Variants in CTNNA2 observed in about 807,000 individuals in gnomAD.
The protein encoded by CTNNA2 is catenin alpha-2.
A neutral mutation model predicts 101.0 loss-of-function variants in CTNNA2; 42 were observed. The observed-to-expected ratio is 0.42, with a 90% CI of 0.32 to 0.54. The LOEUF (loss-of-function observed/expected upper bound fraction) is 0.54. Ranked by LOEUF, CTNNA2 falls within the 20% of genes least tolerant of loss-of-function variation. The pLI, the probability that CTNNA2 is intolerant of heterozygous loss-of-function variation, is 0.14. For missense variants in CTNNA2, 871 were observed against 1,223.1 expected (o/e 0.71, Z 4.29); for synonymous variants, 450 against 456.4 (o/e 0.99, Z 0.18).
chr2:80,383,363 A>G (rs1480158088), intron 7 of CTNNA2, among the ~76,000 whole-genome samples: 1 of 152,120 alleles, frequency 6.6e-6, no homozygotes, highest in Non-Finnish European at 1.5e-5. Context: ...CCATCTTTCT[A>G]TCAATAAACA....
chr2:79,870,403 A>C (rs1030499582), intron 5 of CTNNA2, among the ~76,000 whole-genome samples: 34 of 151,862 alleles, frequency 2.2e-4, no homozygotes, highest in African/African-American at 8.2e-4. Flanking sequence ...AAACATGAAC[A>C]AAATGAGAGG....
intron 7 of CTNNA2, among the ~76,000 whole-genome samples, chr2:80,005,863 G>A (rs1244742748): frequency 6.6e-6 from 1 of 151,654 alleles, no homozygotes; most frequent in Admixed American, 6.6e-5. Flanking sequence ...AACATCTGGA[G>A]TGTAATACAA....
intron 2 of CTNNA2, among the ~76,000 whole-genome samples, chr2:79,213,809 T>C (rs1674209701): frequency 6.6e-6 from 1 of 151,424 alleles, no homozygotes; most frequent in East Asian, 1.9e-4. Flanking sequence ...AAGCAGAAAG[T>C]ATATGCGTCA....
At chr2:80,083,097 C>A (rs1297832636) in intron 7 of CTNNA2, among the ~76,000 whole-genome samples, 4 of 152,088 alleles carry the variant, frequency 2.6e-5, no homozygotes, top group Non-Finnish European at 5.9e-5. Flanking sequence ...GTGGGAAATA[C>A]CCCTGGAACC....
intron 1 of CTNNA2, among the ~76,000 whole-genome samples, chr2:79,555,103 T>G: frequency 6.6e-6 from 1 of 152,226 alleles, no homozygotes; most frequent in East Asian, 1.9e-4. Flanking sequence ...TCTTTTTGCC[T>G]TAGGGCACAT....
At chr2:80,510,165 C>T (rs1688598686) in intron 9 of CTNNA2, among the ~76,000 whole-genome samples, 1 of 152,126 alleles carries the variant, frequency 6.6e-6, no homozygotes, top group African/African-American at 2.4e-5. Context: ...AAATGAGTTC[C>T]TTGGTATACT....
chr2:79,938,700 T>C (rs2104448980), intron 7 of CTNNA2, among the ~76,000 whole-genome samples: 1 of 152,350 alleles, frequency 6.6e-6, no homozygotes, highest in Admixed American at 6.5e-5. Flanking sequence ...TGGCTTTAAA[T>C]GGCACTTGCC....
At chr2:80,452,599 C>T (rs1055353879) in intron 9 of CTNNA2, among the ~76,000 whole-genome samples, 1 of 151,586 alleles carries the variant, frequency 6.6e-6, no homozygotes, top group Non-Finnish European at 1.5e-5. Context: ...GCCCCTGATG[C>T]TGGCTGGCAT....
chr2:79,236,772 C>T (rs1202063163), intron 2 of CTNNA2, among the ~76,000 whole-genome samples: 1 of 152,156 alleles, frequency 6.6e-6, no homozygotes, highest in African/African-American at 2.4e-5. Context: ...TTTGCTTATC[C>T]ATAAGAAGAA....
At chr2:80,094,937 T>C (rs1167518513) in intron 7 of CTNNA2, among the ~76,000 whole-genome samples, 2 of 152,234 alleles carry the variant, frequency 1.3e-5, no homozygotes, top group Non-Finnish European at 2.9e-5. Context: ...TATACAATCA[T>C]GTCATCTGCA....
chr2:79,314,452 A>C (rs1676451242), intron 3 of CTNNA2, among the ~76,000 whole-genome samples: 1 of 152,176 alleles, frequency 6.6e-6, no homozygotes, highest in Non-Finnish European at 1.5e-5. Context: ...AATTGTGCAC[A>C]ATTTTAAACA....
chr2:79,797,756 TGAG>T (rs1433002516), intron 3 of CTNNA2, among the ~76,000 whole-genome samples: 2 of 152,180 alleles, frequency 1.3e-5, no homozygotes, highest in East Asian at 3.9e-4. Context: ...TAATTCATGA[TGAG>T]GAGTGAAACA....
At chr2:79,951,836 C>T (rs1438824135) in intron 7 of CTNNA2, among the ~76,000 whole-genome samples, 1 of 152,182 alleles carries the variant, frequency 6.6e-6, no homozygotes, top group East Asian at 1.9e-4. Context: ...CTCTGATGAT[C>T]CTGATGCCAA....
At chr2:80,367,300 T>A (rs953003294) in intron 7 of CTNNA2, among the ~76,000 whole-genome samples, 1 of 152,108 alleles carries the variant, frequency 6.6e-6, no homozygotes. Flanking sequence ...GTGCACAGAT[T>A]CACCCAGGTT....
chr2:79,492,712 T>G (rs571371317), intron 4 of CTNNA2, among the ~76,000 whole-genome samples: 2 of 152,238 alleles, frequency 1.3e-5, no homozygotes, highest in Non-Finnish European at 2.9e-5. Flanking sequence ...AAGAAAACAA[T>G]TCTCAACTAA....
chr2:80,029,472 A>C (rs1399040604), intron 7 of CTNNA2: 1 of 152,122 alleles, frequency 6.6e-6, no homozygotes, highest in African/African-American at 2.4e-5. Flanking sequence ...TCCTAGCTTC[A>C]CGACAGAAAG....
Position 80,544,934 on chromosome 2 carries a change from T to C in CTNNA2, c.1291-48T>C, listed in dbSNP as rs1691907107. 3.3e-6 allele frequency: 5 copies of C among 1,530,512 alleles called. No homozygotes were observed. The South Asian group carries it at 4.6e-5, about 14-fold the overall frequency. The allele number at this position is 1,530,512 out of a possible 1,614,324, so 94.8% of individuals were successfully genotyped here. On this transcript the variant is annotated intron_variant, in intron 9 of 18. Transcript: ENST00000402739. ...GGTCCAAGGCGGAGCAACAGTATAC[T>C]TTCCCTTTGCCCCAACCTAATATTC...
At chr2:80,005,857 T>A (rs541313946) in intron 7 of CTNNA2, among the ~76,000 whole-genome samples, 1 of 151,986 alleles carries the variant, frequency 6.6e-6, no homozygotes, top group Non-Finnish European at 1.5e-5. Flanking sequence ...TGGTGGAACA[T>A]CTGGAGTGTA....
intron 7 of CTNNA2, among the ~76,000 whole-genome samples, chr2:80,273,878 C>T (rs1299698238): frequency 6.6e-6 from 1 of 152,064 alleles, no homozygotes; most frequent in Non-Finnish European, 1.5e-5. Context: ...TACCTTTCCC[C>T]TGTTTATCTT....
Sources: allele counts gnomAD v4.1 joint callset (sites outside exome capture counted in the v4.1 genomes callset), GRCh38; gene constraint gnomAD v4.1.1; transcripts MANE v1.5; gene names NCBI Gene and HGNC (gene_info 2026-07-23, HGNC 2026-07-21).